The following RPAP3 variants were observed in gnomAD, a reference collection of about 807,000 sequenced individuals.
RPAP3 encodes RNA polymerase II associated protein 3.
RPAP3 carries 58 observed loss-of-function variants against 88.8 expected under a neutral mutation model. That is an observed-to-expected ratio of 0.65 (90% confidence interval 0.53 to 0.81). The LOEUF is 0.81. RPAP3 is among the 40% of genes least tolerant of loss of function. The pLI, the probability that RPAP3 is intolerant of heterozygous loss-of-function variation, is 0.00. For synonymous variants in RPAP3, 255 were observed against 259.9 expected, an observed-to-expected ratio of 0.98 and a Z score of 0.18; for missense variants, 751 against 764.3, an observed-to-expected ratio of 0.98 and a Z score of 0.20.
At chr12:47,691,682 C>T (rs1399967457) in intron 5 of RPAP3, among the ~76,000 whole-genome samples, 1 of 152,178 alleles carries the variant, frequency 6.6e-6, no homozygotes, top group Non-Finnish European at 1.5e-5. Context: ...TGTCCTTGTA[C>T]ATCTCCATCA....
intron 12 of RPAP3, among the ~76,000 whole-genome samples, chr12:47,676,462 GT>G (rs1412510073): frequency 3.9e-5 from 6 of 152,102 alleles, no homozygotes; most frequent in Non-Finnish European, 8.8e-5. Context: ...CCAGGAGCTG[GT>G]TTTTTGAAAA....
Position 47,665,174 on chromosome 12 carries a change from C to T in RPAP3, c.1913-1584G>A, listed in dbSNP as rs1197858843. On this transcript the variant is annotated intron_variant, in intron 16 of 16. Transcript: ENST00000005386. Reference sequence around the variant, plus strand: ...ATGGTGCAATCTCGGCTCACTGCAACCTATGCCTCCTGGATTCAAGCGATT... The same window carrying T: ...ATGGTGCAATCTCGGCTCACTGCAATCTATGCCTCCTGGATTCAAGCGATT... 2.0e-5 allele frequency among the ~76,000 whole-genome samples: 3 copies of T among 151,358 alleles called. No homozygotes were observed. In the East Asian group the frequency reaches 5.8e-4, roughly 29 times the overall value.
intron 10 of RPAP3, among the ~76,000 whole-genome samples, chr12:47,680,960 C>CA (rs1028886667): frequency 7.5e-6 from 1 of 133,644 alleles, no homozygotes; most frequent in East Asian, 2.1e-4. Flanking sequence ...CAAAAAAAAA[C>CA]AAAAAAACGA....
chr12:47,693,832 G>T (rs536391811), intron 5 of RPAP3, among the ~76,000 whole-genome samples: 1 of 152,298 alleles, frequency 6.6e-6, no homozygotes, highest in South Asian at 2.1e-4. Flanking sequence ...AGTTTAGTAA[G>T]GTGACTACGA....
chr12:47,664,248 C>T (rs1011000501), intron 16 of RPAP3, among the ~76,000 whole-genome samples: 5 of 151,960 alleles, frequency 3.3e-5, no homozygotes, highest in African/African-American at 9.6e-5. Context: ...AAATTAGCCG[C>T]GAGTGATGGC....
intron 9 of RPAP3, among the ~76,000 whole-genome samples, 167 bp downstream of exon 9, chr12:47,686,613 C>T (rs1304802878): frequency 6.6e-6 from 1 of 151,496 alleles, no homozygotes; most frequent in Non-Finnish European, 1.5e-5. Context: ...AATTTAAATG[C>T]TCAAAAATAC....
At chr12:47,689,920 A>C (rs1939396356) in intron 6 of RPAP3, among the ~76,000 whole-genome samples, 1 of 152,042 alleles carries the variant, frequency 6.6e-6, no homozygotes, top group Admixed American at 6.6e-5. Context: ...GGGCACCTGT[A>C]ATCCCGGATA....
At chr12:47,673,061 A>G (rs1403801136) in intron 12 of RPAP3, among the ~76,000 whole-genome samples, 1 of 152,194 alleles carries the variant, frequency 6.6e-6, no homozygotes, top group Non-Finnish European at 1.5e-5. Flanking sequence ...AGAACAGTAA[A>G]TAAATATATG....
chr12:47,667,112 C>A, intron 15 of RPAP3, 32 bp from the exon 16 acceptor site: 1 of 945,444 alleles, frequency 1.1e-6, no homozygotes, highest in South Asian at 2.4e-5. Context: ...AACAAATGAT[C>A]AGTTAAAAGC....
intron 2 of RPAP3, among the ~76,000 whole-genome samples, chr12:47,702,438 C>T (rs1270160167): frequency 6.6e-6 from 1 of 151,836 alleles, no homozygotes; most frequent in African/African-American, 2.4e-5. Flanking sequence ...CCTGTAGTCC[C>T]AGTTACTCAG....
chr12:47,675,462 G>A (rs1191565968), intron 12 of RPAP3, among the ~76,000 whole-genome samples: 1 of 151,950 alleles, frequency 6.6e-6, no homozygotes, highest in African/African-American at 2.4e-5. Flanking sequence ...AAATTGGATA[G>A]AGTAAAGACC....
chr12:47,663,015 C>CTAAAAA lies in RPAP3; in HGVS notation c.*484_*489dup. The CTAAAAA allele has an allele frequency of 6.6e-6, 1 of 152,358 alleles. No homozygotes were observed. The highest frequency in any genetic ancestry group is 2.4e-5 in the African/African-American group (1 of 41,556). 9.4% of individuals were successfully genotyped at this position (152,358 alleles called of 1,614,324 possible). ...AGTCTTCTTTCTTTCAACATAAATA[C>CTAAAAA]TAAAAATACATACATACCCTGCAAC... On this transcript the variant is annotated 3_prime_UTR_variant, in exon 17 of 17. Transcript: ENST00000005386.
At chr12:47,695,592 A>C (rs1939509761) in intron 5 of RPAP3, among the ~76,000 whole-genome samples, 1 of 152,134 alleles carries the variant, frequency 6.6e-6, no homozygotes, top group Non-Finnish European at 1.5e-5. Flanking sequence ...ATTTATGTAT[A>C]TGCTACATAT....
chr12:47,679,419 A>G (rs1565716805), intron 12 of RPAP3, 74 bp downstream of exon 12: 1 of 955,318 alleles, frequency 1.0e-6, no homozygotes, highest in Non-Finnish European at 1.6e-6. Flanking sequence ...GTTTATTAAT[A>G]CAATAGTTGG....
chr12:47,705,921 C>T lies in RPAP3; in HGVS notation c.-7+31G>A, dbSNP rs192726899. 6.7e-3 allele frequency: 1,038 copies of T among 154,750 alleles called. 5 individuals are homozygous for T. The highest frequency in any genetic ancestry group is 0.024 in the African/African-American group (998 of 41,594). The allele number at this position is 154,750 out of a possible 1,614,324, so 9.6% of individuals were successfully genotyped here. On this transcript the variant is annotated intron_variant, in intron 1 of 16. Transcript: ENST00000005386. ...CACCCCAAGGATCTCCTACGCTGCT[C>T]CGGGCAGCGAGAACCGCAACGCCCG...
intron 5 of RPAP3, chr12:47,696,068 A>G (rs1011794385): frequency 5.5e-6 from 2 of 365,530 alleles, no homozygotes. Flanking sequence ...AAAGTGAGCT[A>G]TGGGAACAAG....
chr12:47,678,287 A>G (rs1390318978), intron 12 of RPAP3, among the ~76,000 whole-genome samples: 1 of 152,226 alleles, frequency 6.6e-6, no homozygotes, highest in Non-Finnish European at 1.5e-5. Flanking sequence ...ACCTAAAACC[A>G]TAAAAACCCT....
chr12:47,684,056 T>C (rs1939277415), intron 9 of RPAP3, among the ~76,000 whole-genome samples: 1 of 152,208 alleles, frequency 6.6e-6, no homozygotes, highest in Non-Finnish European at 1.5e-5. Context: ...CTCAGATTTG[T>C]TCTTGGTCAG....
intron 9 of RPAP3, among the ~76,000 whole-genome samples, chr12:47,682,613 T>C (rs1939245549): frequency 6.6e-6 from 1 of 151,742 alleles, no homozygotes; most frequent in South Asian, 2.1e-4. Flanking sequence ...TTGTTAGAAC[T>C]AGATGATGGA....
Sources: gnomAD v4.1 joint callset for allele counts (sites outside exome capture counted in the v4.1 genomes callset) on GRCh38, gnomAD v4.1.1 for gene constraint, MANE v1.5 for transcripts, NCBI Gene and HGNC (gene_info 2026-07-23, HGNC 2026-07-21) for gene names.